The following EFHB variants were observed in gnomAD, a reference collection of about 807,000 sequenced individuals.
EFHB encodes EF-hand domain-containing family member B.
Under a neutral mutation model 87.2 loss-of-function variants are expected in EFHB, and 91 were observed. The observed-to-expected ratio is 1.04, with a 90% confidence interval of 0.88 to 1.24. The LOEUF (loss-of-function observed/expected upper bound fraction) is 1.24, where lower values mean the gene tolerates loss of function less well. EFHB is among the 50% of genes most tolerant of loss of function. EFHB has a pLI of 0.00. For missense variants in EFHB, 1,084 were observed against 998.8 expected (o/e 1.09, Z -1.15); for synonymous variants, 325 against 333.6 (o/e 0.97, Z 0.28).
At chr3:19,893,621 C>T (rs1276964856) in intron 9 of EFHB, among the ~76,000 whole-genome samples, 3 of 152,200 alleles carry the variant, frequency 2.0e-5, no homozygotes, top group African/African-American at 7.2e-5. Flanking sequence ...TTAGTTTTAA[C>T]TGACTGCCAG....
chr3:19,913,223 T>A (rs972282247), intron 5 of EFHB, among the ~76,000 whole-genome samples: 8 of 152,154 alleles, frequency 5.3e-5, no homozygotes, highest in African/African-American at 1.9e-4. Flanking sequence ...GAGAAAGATA[T>A]GAAGGGCATG....
chr3:19,935,113 G>A (rs896390013), upstream of EFHB, among the ~76,000 whole-genome samples: 32 of 152,146 alleles, frequency 2.1e-4, no homozygotes, highest in Admixed American at 1.9e-3. Context: ...GTTTCACCAT[G>A]TTGGCCAGGC....
chr3:19,906,384 C>T (rs1207362259), intron 5 of EFHB, among the ~76,000 whole-genome samples: 1 of 151,992 alleles, frequency 6.6e-6, no homozygotes, highest in African/African-American at 2.4e-5. Context: ...ACAAAATCAA[C>T]ACATAAAAGT....
At chr3:19,895,436 G>C (rs1694449114) in intron 9 of EFHB, among the ~76,000 whole-genome samples, 2 of 150,672 alleles carry the variant, frequency 1.3e-5, no homozygotes, top group South Asian at 4.2e-4. Context: ...AGCCGAGATG[G>C]CGCCACTGCA....
At chr3:19,884,220 G>A in intron 11 of EFHB, 183 bp downstream of exon 11, 1 of 579,172 alleles carries the variant, frequency 1.7e-6, no homozygotes, top group South Asian at 2.4e-5. Context: ...GTCATCATTG[G>A]CAATTCCGTT....
At chr3:19,894,365 A>G (rs939817232) in intron 9 of EFHB, 1 of 152,210 alleles carries the variant, frequency 6.6e-6, no homozygotes, top group Non-Finnish European at 1.5e-5. Context: ...CTGCTACCCA[A>G]TGTGTAACTC....
intron 11 of EFHB, 148 bp from the exon 12 acceptor site, chr3:19,882,879 TA>T: frequency 5.7e-6 from 3 of 521,758 alleles, no homozygotes; most frequent in Non-Finnish European, 8.8e-6. Flanking sequence ...AACATTTTAG[TA>T]AAAAAAGGAA....
Position 19,933,286 on chromosome 3 carries a change from G to A in EFHB, c.733C>T (p.Arg245Cys). 4 of 1,613,998 alleles carry A rather than the reference G, an allele frequency of 2.5e-6. No homozygotes were observed. In the South Asian group the frequency reaches 3.3e-5, roughly 13 times the overall value. ...TTCCCAGAGTATATGGGTCTGATGCGATCTGGAGGTTCCACTCCTGATTCA... is the reference window on the plus strand; with the variant it reads ...TTCCCAGAGTATATGGGTCTGATGCAATCTGGAGGTTCCACTCCTGATTCA... ...NIESGVEPPDRIRPIYSGKFF... is the reference protein window; with the variant it reads ...NIESGVEPPDCIRPIYSGKFF... Residue 245 changes from arginine (R) to cysteine (C), a missense_variant, in exon 1 of 13, where the codon CGC becomes TGC. Coordinates refer to ENST00000295824, the MANE Select transcript of EFHB (RefSeq NM_144715.4).
chr3:19,922,901 T>C (rs1358411916), intron 1 of EFHB, among the ~76,000 whole-genome samples: 1 of 152,156 alleles, frequency 6.6e-6, no homozygotes, highest in Non-Finnish European at 1.5e-5. Flanking sequence ...AAAATCTGAA[T>C]AACCTAGAAG....
chr3:19,941,673 A>G (rs1696160829), intron 1 of EFHB: 1 of 152,114 alleles, frequency 6.6e-6, no homozygotes, highest in Middle Eastern at 3.1e-3. Flanking sequence ...CCTGGCCAAC[A>G]TGGAAAAACC....
At chr3:19,913,435 T>C (rs372932238) in intron 5 of EFHB, among the ~76,000 whole-genome samples, 2 of 152,104 alleles carry the variant, frequency 1.3e-5, no homozygotes, top group South Asian at 2.1e-4. Flanking sequence ...TAAAAAGTAA[T>C]CCCATGTATT....
At position 19,918,315 on chromosome 3, in the gene EFHB, A is replaced by T. The variant is rs772771875; in HGVS notation, c.1094T>A (p.Leu365Ter). The change falls in exon 4 of 13, where the codon TTA becomes TAA. Residue 365 changes from leucine (L) to a stop codon, truncating the protein, a stop_gained. Transcript: ENST00000295824. LOFTEE classifies it high-confidence loss of function. ...SIYLSNRRAP[L>*]GKSHDQAPGL... ...TGGTGCTTGATCGTGAGATTTTCCT[A>T]ATGGTGCTCGTCGATTGCTAAGATA... The T allele has an allele frequency of 3.1e-6, 5 of 1,613,196 alleles. No homozygotes were observed. In the Admixed American group the frequency reaches 8.3e-5, roughly 27 times the overall value.
Position 19,905,735 on chromosome 3 carries a change from G to T in EFHB, c.1303C>A (p.Arg435=). 1 of 1,608,214 alleles carries T rather than the reference G, an allele frequency of 6.2e-7. No homozygotes were observed. The change falls in exon 6 of 13, where the codon CGA becomes AGA. Residue 435 remains arginine, a synonymous_variant. Transcript: ENST00000295824. ...NDYYAGEAKN[R]KYNPSSFHRC... ...TGGAAACTTGATGGGTTATACTTTC[G>T]GTTCTTTGCCTCTCCTGTGGAAAAA...
intron 1 of EFHB, among the ~76,000 whole-genome samples, chr3:19,927,769 C>T (rs924239035): frequency 6.6e-6 from 1 of 152,126 alleles, no homozygotes; most frequent in African/African-American, 2.4e-5. Context: ...CCCAAATGCA[C>T]TTCCTTCCTA....
At chr3:19,924,011 T>C (rs1295079554) in intron 1 of EFHB, among the ~76,000 whole-genome samples, 1 of 152,098 alleles carries the variant, frequency 6.6e-6, no homozygotes, top group African/African-American at 2.4e-5. Context: ...GCAGGAGGAC[T>C]GCTGGAGCCC....
At position 19,918,372 on chromosome 3, in the gene EFHB, T is replaced by C. The variant is rs142477704; in HGVS notation, c.1037A>G (p.Gln346Arg). The C allele has an allele frequency of 4.4e-4, 704 of 1,611,436 alleles. 3 individuals carry two copies. The African/African-American group carries it at 8.3e-3, about 19-fold the overall frequency. ...TTCTTTTTTATCTTTAATTTTCTGT[T>C]GAAATGTGGTAATAGGCTGTGGGTT... is the stretch of plus-strand genomic sequence containing the variant. ...LINPQPITTF[Q>R]QKIKDKKESI... The change falls in exon 4 of 13, where the codon CAA (glutamine) becomes CGA (arginine). Residue 346 changes from glutamine (Q) to arginine (R), a missense_variant. Coordinates refer to ENST00000295824, the MANE Select transcript of EFHB (RefSeq NM_144715.4).
At chr3:19,880,162 T>C (rs1272451033) in intron 12 of EFHB, among the ~76,000 whole-genome samples, 1 of 152,128 alleles carries the variant, frequency 6.6e-6, no homozygotes, top group Non-Finnish European at 1.5e-5. Context: ...AGGTTTGAGT[T>C]CCATTTCAGT....
intron 1 of EFHB, among the ~76,000 whole-genome samples, chr3:19,931,969 C>A (rs1695845519): frequency 1.3e-5 from 2 of 152,174 alleles, no homozygotes; most frequent in Admixed American, 6.5e-5. Context: ...TCTCATATTA[C>A]CAAGTGTTTC....
At chr3:19,910,769 T>C (rs1695036535) in intron 5 of EFHB, among the ~76,000 whole-genome samples, 1 of 152,110 alleles carries the variant, frequency 6.6e-6, no homozygotes, top group South Asian at 2.1e-4. Context: ...AGACTGTATG[T>C]TTAGGAGAAA....
Sources: gnomAD v4.1 joint callset for allele counts (sites outside exome capture counted in the v4.1 genomes callset) on GRCh38, gnomAD v4.1.1 for gene constraint, MANE v1.5 for transcripts, NCBI Gene and HGNC (gene_info 2026-07-23, HGNC 2026-07-21) for gene names.